Variants in THRB observed in about 807,000 individuals in gnomAD.
THRB encodes nuclear receptor subfamily 1 group A member 2.
THRB carries 12 observed loss-of-function variants against 47.8 expected under a neutral mutation model. That is an observed-to-expected ratio of 0.25 (90% CI 0.16 to 0.41). The LOEUF is 0.41. Ranked by LOEUF, THRB falls within the 10% of genes least tolerant of loss-of-function variation. THRB has a pLI of 1.00. For missense variants in THRB, 348 were observed against 589.2 expected, an observed-to-expected ratio of 0.59 and a Z score of 4.24; for synonymous variants, 218 against 212.2, an observed-to-expected ratio of 1.03 and a Z score of -0.24.
At chr3:24,392,421 T>C (rs147495580) in intron 1 of THRB, among the ~76,000 whole-genome samples, 5 of 152,170 alleles carry the variant, frequency 3.3e-5, no homozygotes, top group African/African-American at 1.2e-4. Flanking sequence ...AAATATACAA[T>C]AAGCTATTGT....
At chr3:24,478,166 C>G (rs1407607941) in intron 1 of THRB, among the ~76,000 whole-genome samples, 1 of 152,054 alleles carries the variant, frequency 6.6e-6, no homozygotes, top group Non-Finnish European at 1.5e-5. Flanking sequence ...GTCATTGTAA[C>G]TGTTTCTGGT....
chr3:24,436,327 A>C (rs2070945691), intron 1 of THRB, among the ~76,000 whole-genome samples: 1 of 151,950 alleles, frequency 6.6e-6, no homozygotes, highest in African/African-American at 2.4e-5. Flanking sequence ...TACATACACC[A>C]CTCTACATTC....
intron 3 of THRB, among the ~76,000 whole-genome samples, chr3:24,269,403 G>GCGCA (rs1175063428): frequency 9.8e-4 from 71 of 72,662 alleles, no homozygotes; most frequent in Admixed American, 2.5e-3. Flanking sequence ...GCGCGCGCGC[G>GCGCA]CACACACACA....
chr3:24,127,469 A>T (rs1319907051), intron 10 of THRB, 30 bp downstream of exon 10: 1 of 1,613,750 alleles, frequency 6.2e-7, no homozygotes, highest in Admixed American at 1.7e-5. Context: ...AGCTCTTTGG[A>T]TGCCCACTAA....
chr3:24,441,823 T>G (rs1319637112), intron 1 of THRB, among the ~76,000 whole-genome samples: 1 of 152,154 alleles, frequency 6.6e-6, no homozygotes, highest in Non-Finnish European at 1.5e-5. Flanking sequence ...CCTATCTCAC[T>G]CTAGTCTCCC....
chr3:24,206,565 G>A (rs562327304), intron 4 of THRB, among the ~76,000 whole-genome samples: 93 of 152,130 alleles, frequency 6.1e-4, no homozygotes, highest in African/African-American at 2.0e-3. Flanking sequence ...ATCTAAAATC[G>A]ACACCCTAAC....
At position 24,333,796 on chromosome 3, in the gene THRB, T is replaced by C. The variant is rs535334840; in HGVS notation, c.-189+3504A>G. On this transcript the variant is annotated intron_variant, in intron 2 of 10. Coordinates refer to ENST00000646209, the MANE Select transcript of THRB (RefSeq NM_001354712.2). ...TAGGCTTTGGTCCTTTGTTGGGAAATCACTCAAATAGTAGACATTTTGTCC... is the reference window on the plus strand; with the variant it reads ...TAGGCTTTGGTCCTTTGTTGGGAAACCACTCAAATAGTAGACATTTTGTCC... Among the ~76,000 whole-genome samples, 7 of 152,328 alleles carry C rather than the reference T, an allele frequency of 4.6e-5. No individual in the cohort carries two copies. The East Asian group carries it at 1.3e-3, about 29-fold the overall frequency.
intron 3 of THRB, among the ~76,000 whole-genome samples, chr3:24,294,905 C>T (rs779169965): frequency 4.6e-5 from 7 of 152,196 alleles, no homozygotes. Context: ...TACACTGGCT[C>T]TCAGCACAAT....
chr3:24,321,563 G>A (rs532972178), intron 2 of THRB, among the ~76,000 whole-genome samples: 1 of 152,224 alleles, frequency 6.6e-6, no homozygotes, highest in Admixed American at 6.5e-5. Context: ...TACCTCAGGA[G>A]GGTCTAAGAC....
chr3:24,185,989 A>C (rs894741138), intron 5 of THRB, among the ~76,000 whole-genome samples: 2 of 152,194 alleles, frequency 1.3e-5, no homozygotes, highest in African/African-American at 2.4e-5. Flanking sequence ...AATTGAGATA[A>C]GCTAGGCCCA....
At chr3:24,351,715 C>G (rs2063366804) in intron 1 of THRB, among the ~76,000 whole-genome samples, 1 of 152,132 alleles carries the variant, frequency 6.6e-6, no homozygotes, top group African/African-American at 2.4e-5. Context: ...GAGAAAAGGT[C>G]ATCCCAAGGC....
intron 1 of THRB, among the ~76,000 whole-genome samples, chr3:24,359,001 A>C (rs2063885397): frequency 6.6e-6 from 1 of 152,166 alleles, no homozygotes; most frequent in South Asian, 2.1e-4. Flanking sequence ...TCTTATACTA[A>C]AACTAAAACA....
intron 3 of THRB, among the ~76,000 whole-genome samples, chr3:24,236,398 C>T (rs369599549): frequency 2.6e-5 from 4 of 152,232 alleles, no homozygotes; most frequent in African/African-American, 9.6e-5. Context: ...TTGGAAAATG[C>T]CTGTAAATTT....
chr3:24,339,130 T>C (rs1216781657), intron 1 of THRB, among the ~76,000 whole-genome samples: 1 of 152,176 alleles, frequency 6.6e-6, no homozygotes, highest in African/African-American at 2.4e-5. Flanking sequence ...CAAAACTATA[T>C]ATATATAGAT....
At chr3:24,178,806 G>A (rs2041516919) in intron 5 of THRB, among the ~76,000 whole-genome samples, 1 of 152,074 alleles carries the variant, frequency 6.6e-6, no homozygotes, top group Non-Finnish European at 1.5e-5. Flanking sequence ...GTTCGTCAAA[G>A]GGTACATAAT....
intron 1 of THRB, among the ~76,000 whole-genome samples, chr3:24,417,138 A>ACGCGCG (rs1553752920): frequency 2.0e-5 from 3 of 151,204 alleles, no homozygotes; most frequent in African/African-American, 7.3e-5. Flanking sequence ...ACACACACAC[A>ACGCGCG]CGCGCAACGC....
At chr3:24,244,919 T>C (rs1305279864) in intron 3 of THRB, among the ~76,000 whole-genome samples, 2 of 152,214 alleles carry the variant, frequency 1.3e-5, no homozygotes, top group Non-Finnish European at 2.9e-5. Context: ...CTTGTTAAGC[T>C]GTGAAGGGGG....
chr3:24,289,472 G>C (rs2055696457), intron 3 of THRB, among the ~76,000 whole-genome samples: 1 of 151,980 alleles, frequency 6.6e-6, no homozygotes, highest in Non-Finnish European at 1.5e-5. Flanking sequence ...CAGGTAAATA[G>C]CAAGTTCATC....
chr3:24,386,339 C>T (rs1339250124), intron 1 of THRB, among the ~76,000 whole-genome samples: 1 of 152,124 alleles, frequency 6.6e-6, no homozygotes, highest in Non-Finnish European at 1.5e-5. Context: ...GCCTGCTCCT[C>T]TCTGCCCAAC....
Sources: allele counts gnomAD v4.1 joint callset (sites outside exome capture counted in the v4.1 genomes callset), GRCh38; gene constraint gnomAD v4.1.1; transcripts MANE v1.5; gene names NCBI Gene and HGNC (gene_info 2026-07-23, HGNC 2026-07-21).